The following SEMA6D variants were observed in gnomAD, a reference collection of about 807,000 sequenced individuals.
SEMA6D encodes semaphorin 6D, also known as semaphorin-6D.
In SEMA6D, 35 loss-of-function variants were observed where a neutral mutation model predicts 106.6. That is an observed-to-expected ratio of 0.33 (90% CI 0.25 to 0.44). SEMA6D has a LOEUF of 0.44. Ranked by LOEUF, SEMA6D falls within the 20% of genes least tolerant of loss-of-function variation. The pLI is 1.00. For synonymous variants in SEMA6D, 499 were observed against 487.7 expected (o/e 1.02, Z -0.31); for missense variants, 1,185 against 1,345.9 (o/e 0.88, Z 1.87).
rs531282963 is a variant in SEMA6D at position 47,278,740 on chromosome 15, G to T, written c.-239+94322G>T. 7.3e-5 allele frequency among the ~76,000 whole-genome samples: 11 copies of T among 150,858 alleles called. No homozygotes were observed. In the South Asian group the frequency reaches 8.5e-4, roughly 12 times the overall value. On this transcript the variant is annotated intron_variant, in intron 1 of 19. Coordinates refer to the SEMA6D transcript ENST00000558014. The stretch of plus-strand genomic sequence containing the variant: ...TAGGTTTTCTTCTAGGGTTTTTATG[G>T]TTTTAGGTCTAACGTTTAAGTCTTT...
intron 1 of SEMA6D, among the ~76,000 whole-genome samples, chr15:47,369,730 G>C (rs1352642757): frequency 6.6e-6 from 1 of 152,206 alleles, no homozygotes; most frequent in Non-Finnish European, 1.5e-5. Context: ...AATAAAGGAA[G>C]TTCCTAGCCA....
chr15:47,579,374 T>C (rs888494206), intron 3 of SEMA6D, among the ~76,000 whole-genome samples: 2 of 152,106 alleles, frequency 1.3e-5, no homozygotes, highest in African/African-American at 4.8e-5. Context: ...ACTCCTGACC[T>C]CAGGTGACCC....
intron 1 of SEMA6D, among the ~76,000 whole-genome samples, chr15:47,298,613 T>G (rs2035898789): frequency 6.6e-6 from 1 of 152,158 alleles, no homozygotes; most frequent in Admixed American, 6.5e-5. Flanking sequence ...GTCTGTGCAA[T>G]GCTCCATCAA....
chr15:47,239,812 AGT>A (rs1475602518), intron 1 of SEMA6D, among the ~76,000 whole-genome samples: 2 of 152,198 alleles, frequency 1.3e-5, no homozygotes, highest in Non-Finnish European at 2.9e-5. Context: ...ACACACGAGT[AGT>A]ATGTGATCAA....
rs145282328 is a variant in SEMA6D, at chr15:47,748,631, G to A, written c.-54-11114G>A. On this transcript the variant is annotated intron_variant, in intron 1 of 18. Coordinates refer to ENST00000536845, the MANE Select transcript of SEMA6D (RefSeq NM_001358351.3). ...TGAATAGACAGTTTTCAGGAAGGAC[G>A]TTTTAGAAAGAATAGCGTGTGCAGA... is the stretch of plus-strand genomic sequence containing the variant. 2.7e-3 allele frequency among the ~76,000 whole-genome samples: 409 copies of A among 152,322 alleles called. 10 individuals are homozygous for A. The highest frequency in any genetic ancestry group is 0.021 in the Admixed American group (324 of 15,298).
At chr15:47,322,933 G>A (rs757618183) in intron 1 of SEMA6D, among the ~76,000 whole-genome samples, 4 of 152,024 alleles carry the variant, frequency 2.6e-5, no homozygotes, top group East Asian at 1.9e-4. Context: ...ATTTGTTACC[G>A]CATAAATTTT....
At chr15:47,323,234 C>T (rs2036994404) in intron 1 of SEMA6D, among the ~76,000 whole-genome samples, 1 of 152,120 alleles carries the variant, frequency 6.6e-6, no homozygotes. Context: ...TTGACTCCCA[C>T]CACCCACAGC....
intron 3 of SEMA6D, chr15:47,600,821 G>A (rs143216900): frequency 3.3e-5 from 5 of 152,264 alleles, no homozygotes; most frequent in African/African-American, 9.6e-5. Context: ...AAGGTCAGAA[G>A]TAATGGAAAA....
intron 7 of SEMA6D, 122 bp from the exon 8 acceptor site, chr15:47,762,078 C>A: frequency 9.4e-7 from 1 of 1,060,196 alleles, no homozygotes; most frequent in Non-Finnish European, 1.4e-6. Context: ...CAGGTGTAGC[C>A]CTATTTGTAT....
chr15:47,454,304 C>T (rs527574797), intron 2 of SEMA6D, among the ~76,000 whole-genome samples: 147 of 152,032 alleles, frequency 9.7e-4, no homozygotes, highest in African/African-American at 3.2e-3. Flanking sequence ...CTCTGAATGT[C>T]GCTTAATTTC....
intron 1 of SEMA6D, among the ~76,000 whole-genome samples, chr15:47,346,469 T>C (rs17360212): frequency 0.011 from 1,675 of 152,296 alleles, 13 homozygotes; most frequent in Non-Finnish European, 0.014. Context: ...GACTGTCCTT[T>C]TGTCTCCGGG....
chr15:47,426,054 T>G (rs1241708630), intron 2 of SEMA6D, among the ~76,000 whole-genome samples: 1 of 152,144 alleles, frequency 6.6e-6, no homozygotes, highest in Non-Finnish European at 1.5e-5. Context: ...TAAATGCTAC[T>G]TTTTCTATTT....
At chr15:47,506,087 G>T (rs1385520734) in intron 3 of SEMA6D, among the ~76,000 whole-genome samples, 1 of 152,148 alleles carries the variant, frequency 6.6e-6, no homozygotes, top group Non-Finnish European at 1.5e-5. Flanking sequence ...GAGAGCATGA[G>T]AAATGTATCT....
At chr15:47,380,631 A>G (rs2039608648) in intron 1 of SEMA6D, 1 of 152,252 alleles carries the variant, frequency 6.6e-6, no homozygotes, top group African/African-American at 2.4e-5. Flanking sequence ...AGATTTAGGA[A>G]CATACACAAG....
intron 1 of SEMA6D, among the ~76,000 whole-genome samples, chr15:47,292,516 A>G (rs2035629127): frequency 6.6e-6 from 1 of 152,172 alleles, no homozygotes; most frequent in Non-Finnish European, 1.5e-5. Context: ...TTTTAAAACA[A>G]TGATTGCATT....
chr15:47,641,353 G>C (rs563865906), intron 4 of SEMA6D, among the ~76,000 whole-genome samples: 4 of 152,278 alleles, frequency 2.6e-5, no homozygotes, highest in Non-Finnish European at 5.9e-5. Context: ...CTGTGACTCG[G>C]GGCCTGTTAT....
At chr15:47,288,221 A>C (rs961609350) in intron 1 of SEMA6D, among the ~76,000 whole-genome samples, 4 of 152,096 alleles carry the variant, frequency 2.6e-5, no homozygotes, top group Middle Eastern at 3.2e-3. Context: ...ATTCCTCTCA[A>C]TTTCTACTGC....
intron 1 of SEMA6D, among the ~76,000 whole-genome samples, chr15:47,404,233 A>G (rs2040487524): frequency 6.6e-6 from 1 of 152,196 alleles, no homozygotes; most frequent in Non-Finnish European, 1.5e-5. Flanking sequence ...AGGAAGAACA[A>G]AACTCTGTGG....
intron 2 of SEMA6D, among the ~76,000 whole-genome samples, chr15:47,463,372 T>C (rs912337425): frequency 3.3e-5 from 5 of 152,202 alleles, no homozygotes; most frequent in Admixed American, 3.3e-4. Context: ...TCTCTGCCCA[T>C]GACAAGTTCT....
Sources: gnomAD v4.1 joint callset for allele counts (sites outside exome capture counted in the v4.1 genomes callset) on GRCh38, gnomAD v4.1.1 for gene constraint, MANE v1.5 for transcripts, NCBI Gene and HGNC (gene_info 2026-07-23, HGNC 2026-07-21) for gene names.